The following SDK2 variants were observed in gnomAD, a reference collection of about 807,000 sequenced individuals.
SDK2 encodes the protein protein sidekick-2.
Under a neutral mutation model 253.9 loss-of-function variants are expected in SDK2, and 105 were observed. The observed-to-expected ratio is 0.41, with a 90% CI of 0.35 to 0.49. SDK2 has a LOEUF of 0.49. Among genes scored for constraint, SDK2 ranks in the 20% least tolerant of loss-of-function variants. The pLI, the probability that SDK2 is intolerant of heterozygous loss-of-function variation, is 0.06. For synonymous variants in SDK2, 1,249 were observed against 1,234.9 expected, an observed-to-expected ratio of 1.01 and a Z score of -0.24; for missense variants, 2,608 against 3,003.0, an observed-to-expected ratio of 0.87 and a Z score of 3.07.
In SDK2 at chr17:73,455,673, G is replaced by A. The variant is rs1007481778; in HGVS notation, c.479+233C>T. 6.6e-6 allele frequency among the ~76,000 whole-genome samples: 1 copy of A among 152,172 alleles called. No individual in the cohort carries two copies. The highest frequency in any genetic ancestry group is 2.4e-5 in the African/African-American group (1 of 41,440). On this transcript the variant is annotated intron_variant, in intron 4 of 44. Transcript: ENST00000392650. The surrounding 1 kb of genome is among the most constrained non-coding windows in gnomAD (Gnocchi z 5.0). ...TTCTCCAGCTGATGGTGGAGGCAAC[G>A]CCCTGGGATTCCCCAGGAAGGGGAC... is the stretch of plus-strand genomic sequence containing the variant.
At chr17:73,579,234 C>T (rs78869857) in intron 1 of SDK2, among the ~76,000 whole-genome samples, 2,105 of 152,264 alleles carry the variant, frequency 0.014, 62 homozygotes, top group African/African-American at 0.049. Context: ...TTCTCATCAC[C>T]GCAGTCACAG....
chr17:73,535,596 T>G (rs1436957669), intron 1 of SDK2, among the ~76,000 whole-genome samples: 3 of 152,230 alleles, frequency 2.0e-5, no homozygotes, highest in Non-Finnish European at 4.4e-5. Flanking sequence ...AAGCCCTGAT[T>G]GCCCACCATT....
chr17:73,490,410 G>T (rs2063797624), intron 2 of SDK2, among the ~76,000 whole-genome samples: 1 of 152,032 alleles, frequency 6.6e-6, no homozygotes. Context: ...TTTTTGATTG[G>T]GTATTCCACT....
intron 1 of SDK2, among the ~76,000 whole-genome samples, chr17:73,508,587 T>G (rs2063953505): frequency 1.3e-5 from 2 of 152,254 alleles, no homozygotes; most frequent in African/African-American, 4.8e-5. Flanking sequence ...CCTGCTCTGT[T>G]CCGGGCTGTT....
chr17:73,599,474 G>A (rs1253304669), intron 1 of SDK2, among the ~76,000 whole-genome samples: 2 of 151,970 alleles, frequency 1.3e-5, no homozygotes, highest in African/African-American at 2.4e-5. Flanking sequence ...GGCGGAGGCT[G>A]CAGTGAGCTG....
chr17:73,478,639 C>CA, intron 2 of SDK2, among the ~76,000 whole-genome samples: 1 of 152,262 alleles, frequency 6.6e-6, no homozygotes, highest in East Asian at 1.9e-4. Context: ...AAGAGAGGAG[C>CA]AGGGGGGACA....
intron 4 of SDK2, among the ~76,000 whole-genome samples, chr17:73,453,486 T>C (rs2063503017): frequency 6.6e-6 from 1 of 151,750 alleles, no homozygotes; most frequent in African/African-American, 2.4e-5. Flanking sequence ...CAAGCGATTC[T>C]CCTGTCTCAG....
chr17:73,396,752 T>C (rs760688417), intron 24 of SDK2, among the ~76,000 whole-genome samples: 2 of 152,072 alleles, frequency 1.3e-5, no homozygotes, highest in Non-Finnish European at 2.9e-5. Context: ...GGCTCTAACC[T>C]TTTAGTAGCT....
At chr17:73,637,431 T>C (rs1257108198) in intron 1 of SDK2, among the ~76,000 whole-genome samples, 3 of 152,196 alleles carry the variant, frequency 2.0e-5, no homozygotes, top group South Asian at 4.1e-4. Context: ...CAGGCTGGAG[T>C]GCAGTAGCGT....
At chr17:73,591,964 A>G (rs188168578) in intron 1 of SDK2, among the ~76,000 whole-genome samples, 7 of 152,278 alleles carry the variant, frequency 4.6e-5, no homozygotes, top group Admixed American at 4.6e-4. Context: ...GAGCACACCC[A>G]GCCTCTCTGG....
chr17:73,564,971 C>A (rs972557962), intron 1 of SDK2, among the ~76,000 whole-genome samples: 2 of 152,130 alleles, frequency 1.3e-5, no homozygotes, highest in Admixed American at 6.5e-5. Context: ...CATTGGAGAA[C>A]AACCAAAAGC....
rs550141412 is a variant in SDK2, at chr17:73,505,634, C to CTCA, written c.224+1801_224+1803dup. On this transcript the variant is annotated intron_variant, in intron 2 of 44. Coordinates refer to ENST00000392650, the MANE Select transcript of SDK2 (RefSeq NM_001144952.2). ...ACCTCATCATCATCAATAGCTGGAC[C>CTCA]TCATCATCATCATCATCAATAGCTG... Among the ~76,000 whole-genome samples, 103 of 144,734 alleles carry CTCA rather than the reference C, an allele frequency of 7.1e-4. 1 individual carries two copies. The highest frequency in any genetic ancestry group is 2.5e-3 in the African/African-American group (87 of 35,500). 95.0% of individuals were successfully genotyped at this position (144,734 alleles called of 152,430 possible).
intron 9 of SDK2, 75 bp from the exon 10 acceptor site, chr17:73,433,923 A>G: frequency 3.8e-6 from 4 of 1,045,672 alleles, no homozygotes; most frequent in Non-Finnish European, 5.4e-6. Context: ...AGGGGCCTCC[A>G]AGCCCACCGA....
chr17:73,419,433 G>T, intron 15 of SDK2, 127 bp from the exon 16 acceptor site: 1 of 1,018,508 alleles, frequency 9.8e-7, no homozygotes, highest in Non-Finnish European at 1.4e-6. Context: ...TGTGCATCTG[G>T]GCAAGTTACC....
rs1293469867 is a variant in SDK2, at chr17:73,336,292, G to C, written c.*2295C>G. 1.3e-5 allele frequency: 2 copies of C among 152,220 alleles called. No individual in the cohort carries two copies. Among genetic ancestry groups the C allele is most frequent in the East Asian group, 3.9e-4 (2 of 5,186 alleles). The allele number at this position is 152,220 out of a possible 1,614,324, so 9.4% of individuals were successfully genotyped here. A position where few individuals can be genotyped will look rare whatever the true frequency, so the allele number is the denominator to read the frequency against. On this transcript the variant is annotated 3_prime_UTR_variant, in exon 45 of 45. Coordinates refer to ENST00000392650, the MANE Select transcript of SDK2 (RefSeq NM_001144952.2). ...AGATGCCAGATGCTGCAGAGGGTGG[G>C]GGCGGAGGTGGCAGGGGTGGAGCAG...
Position 73,423,382 on chromosome 17 carries a change from T to C in SDK2, c.1897+4A>G. The stretch of plus-strand genomic sequence containing the variant: ...GGTGTTGGAGGTGACCACGGGAAGC[T>C]TACTGTTCTCCGACATCTCCAGAAT... On this transcript the variant is annotated splice_donor_region_variant and intron_variant, in intron 14 of 44. Coordinates refer to ENST00000392650, the MANE Select transcript of SDK2 (RefSeq NM_001144952.2). 6.9e-7 allele frequency: 1 copy of C among 1,456,110 alleles called. No homozygotes were observed. Among genetic ancestry groups the C allele is most frequent in the Non-Finnish European group, 9.2e-7 (1 of 1,092,198 alleles). 90.2% of individuals were successfully genotyped at this position (1,456,110 alleles called of 1,614,324 possible). A position where few individuals can be genotyped will look rare whatever the true frequency, so the allele number is the denominator to read the frequency against.
chr17:73,401,989 G>T lies in SDK2; in HGVS notation c.2637C>A (p.Asp879Glu). Reference sequence around the variant, plus strand: ...CCAGCTGCGGGGTGCTGCGTGGCCCGTCCCCGGGGGTGGTGAAACACAGCA... The same window carrying T: ...CCAGCTGCGGGGTGCTGCGTGGCCCTTCCCCGGGGGTGGTGAAACACAGCA... ...TSVLCFTTPG[D>E]GPRSTPQLVR... The change falls in exon 19 of 45, where the codon GAC (aspartate) becomes GAA (glutamate). Residue 879 changes from aspartate to glutamate, a missense_variant. By Grantham distance (45) the Asp-to-Glu change is conservative. Around this residue, in one of 2 missense-constraint regions of SDK2, gnomAD observed 1,505 missense variants for 1,859.1 expected, o/e 0.81. Coordinates refer to ENST00000392650, the MANE Select transcript of SDK2 (RefSeq NM_001144952.2). 6.2e-7 allele frequency: 1 copy of T among 1,613,388 alleles called. No individual in the cohort carries two copies. The highest frequency in any genetic ancestry group is 1.1e-5 in the South Asian group (1 of 90,974).
chr17:73,568,646 A>C (rs1169603848), intron 1 of SDK2, among the ~76,000 whole-genome samples: 1 of 152,206 alleles, frequency 6.6e-6, no homozygotes, highest in Non-Finnish European at 1.5e-5. Context: ...CATATATTAT[A>C]CATGAAGTCT....
chr17:73,569,643 G>C (rs1463311400), intron 1 of SDK2, among the ~76,000 whole-genome samples: 1 of 123,738 alleles, frequency 8.1e-6, no homozygotes, highest in Non-Finnish European at 1.7e-5. Context: ...CCAGGCATTG[G>C]AATTTTTTTT....
Sources: allele counts gnomAD v4.1 joint callset (sites outside exome capture counted in the v4.1 genomes callset), GRCh38; gene constraint gnomAD v4.1.1; regional missense constraint gnomAD v4.1.1; non-coding constraint Gnocchi (gnomAD v3.1); transcripts MANE v1.5; gene names NCBI Gene and HGNC (gene_info 2026-07-23, HGNC 2026-07-21).